Variants in ALPK2 observed in about 807,000 individuals in gnomAD.
The protein encoded by ALPK2 is alpha kinase 2, also known as alpha-protein kinase 2.
ALPK2 carries 127 observed loss-of-function variants against 163.1 expected under a neutral mutation model. That is an observed-to-expected ratio of 0.78 (90% CI 0.67 to 0.90). The LOEUF is 0.90. Ranked by LOEUF, ALPK2 falls within the 40% of genes least tolerant of loss-of-function variation. ALPK2 has a pLI of 0.00. For missense variants in ALPK2, 2,360 were observed against 2,589.6 expected (o/e 0.91, Z 1.92); for synonymous variants, 953 against 959.1 (o/e 0.99, Z 0.12).
intron 10 of ALPK2, among the ~76,000 whole-genome samples, chr18:58,506,403 A>C (rs943575067): frequency 6.6e-6 from 1 of 152,030 alleles, no homozygotes; most frequent in Non-Finnish European, 1.5e-5. Flanking sequence ...AACCAACCAC[A>C]ATAAAAACAT....
At chr18:58,487,993 G>A (rs887882763) in intron 12 of ALPK2, among the ~76,000 whole-genome samples, 15 of 152,180 alleles carry the variant, frequency 9.9e-5, no homozygotes, top group African/African-American at 3.6e-4. Flanking sequence ...GATTCAGTAG[G>A]TCTGGAGTGG....
At position 58,605,536 on chromosome 18, in the gene ALPK2, T is replaced by A. The variant is rs1001935594; in HGVS notation, c.227+1786A>T. Reference sequence around the variant, plus strand: ...CTACTTCCCCCTGTGAGGCCCACAGTCTACTGAACTTGTCATCAATCCTGA... The same window carrying A: ...CTACTTCCCCCTGTGAGGCCCACAGACTACTGAACTTGTCATCAATCCTGA... On this transcript the variant is annotated intron_variant, in intron 3 of 12. Transcript: ENST00000361673. 4.6e-5 allele frequency among the ~76,000 whole-genome samples: 7 copies of A among 152,194 alleles called. No individual in the cohort carries two copies. The East Asian group carries it at 1.3e-3, about 29-fold the overall frequency.
chr18:58,570,672 C>T (rs2051881238), intron 4 of ALPK2, among the ~76,000 whole-genome samples: 1 of 152,094 alleles, frequency 6.6e-6, no homozygotes, highest in African/African-American at 2.4e-5. Context: ...CTCTAGGTCT[C>T]TCTCTCACCC....
At chr18:58,533,083 C>T (rs1291434491) in intron 5 of ALPK2, among the ~76,000 whole-genome samples, 2 of 152,242 alleles carry the variant, frequency 1.3e-5, no homozygotes, top group Non-Finnish European at 2.9e-5. Flanking sequence ...CGGCAGGGCC[C>T]TCTCAGGACA....
intron 4 of ALPK2, chr18:58,544,140 T>A (rs894783944): frequency 1.3e-5 from 2 of 152,140 alleles, no homozygotes; most frequent in Admixed American, 6.5e-5. Context: ...GATGAATGAA[T>A]ACAGGAGGGG....
chr18:58,509,333 G>A (rs899489937), intron 10 of ALPK2, among the ~76,000 whole-genome samples: 11 of 151,992 alleles, frequency 7.2e-5, no homozygotes, highest in African/African-American at 9.7e-5. Context: ...GAATAGTGCC[G>A]CAATAAACAT....
chr18:58,556,484 C>T (rs1196748805), intron 4 of ALPK2, among the ~76,000 whole-genome samples: 1 of 152,106 alleles, frequency 6.6e-6, no homozygotes, highest in Non-Finnish European at 1.5e-5. Context: ...TGAAATGAGC[C>T]AGCCGCTGCA....
At position 58,536,856 on chromosome 18, in the gene ALPK2, T is replaced by C; in HGVS notation, c.3331A>G (p.Ser1111Gly). ...AAGTCTGCTCTGTCCACAGTCTGGC[T>C]CTTATCTCCAGACAGGTTATCAACC... ...LQVDNLSGDK[S>G]QTVDRADFRS... Residue 1111 changes from serine (S) to glycine (G), a missense_variant, in exon 5 of 13, where the codon AGC (serine) becomes GGC (glycine). Physicochemically the swap from Ser to Gly is moderately conservative, Grantham distance 56 (BLOSUM62 0). Transcript: ENST00000361673. 1 of 1,614,158 alleles carries C rather than the reference T, an allele frequency of 6.2e-7. No homozygotes were observed. Among genetic ancestry groups the C allele is most frequent in the African/African-American group, 1.3e-5 (1 of 75,066 alleles).
At chr18:58,605,571 A>G (rs575432287) in intron 3 of ALPK2, among the ~76,000 whole-genome samples, 3 of 152,338 alleles carry the variant, frequency 2.0e-5, no homozygotes, top group African/African-American at 7.2e-5. Flanking sequence ...AGCAATGAAT[A>G]ACCACCAAAA....
At chr18:58,501,164 C>T (rs1288088428) in intron 11 of ALPK2, among the ~76,000 whole-genome samples, 1 of 152,200 alleles carries the variant, frequency 6.6e-6, no homozygotes, top group East Asian at 1.9e-4. Flanking sequence ...GCCACACCAC[C>T]ACGTTAAACC....
chr18:58,504,942 C>A (rs1363799756), intron 10 of ALPK2, among the ~76,000 whole-genome samples: 1 of 152,040 alleles, frequency 6.6e-6, no homozygotes, highest in Non-Finnish European at 1.5e-5. Context: ...GCACTCCTGG[C>A]GTGCAGCGGG....
rs747435799 is a variant in ALPK2, at chr18:58,536,219, A to C, written c.3968T>G (p.Val1323Gly). The C allele has an allele frequency of 1.9e-6, 3 of 1,614,214 alleles. No individual in the cohort carries two copies. In the East Asian group the frequency reaches 6.7e-5, roughly 36 times the overall value. Reference protein sequence around the residue: ...SHKGEEPTISVHWRSLSSRGF... With the variant: ...SHKGEEPTISGHWRSLSSRGF... ...CCGGGAAGAAAGACTTCTCCAATGT[A>C]CACTGATGGTGGGCTCTTCGCCTTT... The change falls in exon 5 of 13, where the codon GTA (valine) becomes GGA (glycine). Residue 1323 changes from valine to glycine, a missense_variant. Physicochemically the swap from Val to Gly is moderately radical, Grantham distance 109. Coordinates refer to ENST00000361673, the MANE Select transcript of ALPK2 (RefSeq NM_052947.4).
At chr18:58,565,731 G>GTTCCTTCCTTCCTTCCTTCC (rs74183271) in intron 4 of ALPK2, among the ~76,000 whole-genome samples, 4 of 145,786 alleles carry the variant, frequency 2.7e-5, no homozygotes, top group African/African-American at 1.0e-4. Context: ...TCTCTTTTTT[G>GTTCCTTCCTTCCTTCCTTCC]TTCCTTCCTT....
chr18:58,515,729 G>A (rs551820661), intron 9 of ALPK2, among the ~76,000 whole-genome samples: 27 of 152,236 alleles, frequency 1.8e-4, no homozygotes, highest in African/African-American at 6.0e-4. Flanking sequence ...AAAGTCCCAC[G>A]TGGCAGTGCC....
intron 10 of ALPK2, among the ~76,000 whole-genome samples, chr18:58,509,092 T>G (rs1016585132): frequency 4.2e-5 from 6 of 141,488 alleles, no homozygotes; most frequent in African/African-American, 7.9e-5. Flanking sequence ...TGTCCATGTG[T>G]TCTCATTGTT....
Position 58,503,948 on chromosome 18 carries a change from A to G in ALPK2, c.6230T>C (p.Leu2077Pro), listed in dbSNP as rs2051446858. Residue 2077 changes from leucine to proline, a missense_variant, in exon 11 of 13, where the codon CTG becomes CCG. Physicochemically the swap from Leu to Pro is moderately conservative, Grantham distance 98. Transcript: ENST00000361673. ...TTCCTCACCTTGCATGTCCGTCACC[A>G]GGAGGCAGCCACTTGTTTTCTGGTA... ...WVYQKTSGCL[L>P]VTDMQGVGMK... 2 of 1,613,742 alleles carry G rather than the reference A, an allele frequency of 1.2e-6. No homozygotes were observed. The highest frequency in any genetic ancestry group is 1.7e-6 in the Non-Finnish European group (2 of 1,179,770).
At chr18:58,553,678 C>T (rs1034963720) in intron 4 of ALPK2, among the ~76,000 whole-genome samples, 3 of 152,072 alleles carry the variant, frequency 2.0e-5, no homozygotes, top group Non-Finnish European at 4.4e-5. Flanking sequence ...CCCTGCTTCA[C>T]TTGGCATTTC....
intron 4 of ALPK2, among the ~76,000 whole-genome samples, chr18:58,561,549 G>A (rs2051825698): frequency 6.6e-6 from 1 of 152,184 alleles, no homozygotes; most frequent in Non-Finnish European, 1.5e-5. Context: ...AAAACATGGG[G>A]AGAAAGGGGG....
In ALPK2 at chr18:58,565,938, C is replaced by T. The variant is rs145524626; in HGVS notation, c.1962+12876G>A. On this transcript the variant is annotated intron_variant, in intron 4 of 12. Transcript: ENST00000361673. The stretch of plus-strand genomic sequence containing the variant: ...CTGGGACTACAGGCGTGCACCACCA[C>T]GCCCCGGCTAATTTTTGTATTTTTA... Among the ~76,000 whole-genome samples, 1,363 of 152,120 alleles carry T rather than the reference C, an allele frequency of 9.0e-3. 22 individuals carry two copies. Among genetic ancestry groups the T allele is most frequent in the African/African-American group, 0.031 (1,290 of 41,480 alleles).
Sources: gnomAD v4.1 joint callset for allele counts (sites outside exome capture counted in the v4.1 genomes callset) on GRCh38, gnomAD v4.1.1 for gene constraint, MANE v1.5 for transcripts, NCBI Gene and HGNC (gene_info 2026-07-23, HGNC 2026-07-21) for gene names.